CREM: variants seen among roughly 807,000 people sequenced by gnomAD.
CREM encodes cAMP responsive element modulator, also known as cAMP-responsive element modulator.
CREM carries 13 observed loss-of-function variants against 37.3 expected under a neutral mutation model. The observed-to-expected ratio is 0.35, with a 90% CI of 0.23 to 0.55. The LOEUF (loss-of-function observed/expected upper bound fraction) is 0.55. CREM is among the 20% of genes least tolerant of loss of function. The pLI is 0.88. For missense variants in CREM, 296 were observed against 362.3 expected, an observed-to-expected ratio of 0.82 and a Z score of 1.49; for synonymous variants, 124 against 120.2, an observed-to-expected ratio of 1.03 and a Z score of -0.21.
At chr10:35,198,252 C>T (rs567746015) in intron 6 of CREM, among the ~76,000 whole-genome samples, 7 of 152,138 alleles carry the variant, frequency 4.6e-5, no homozygotes, top group East Asian at 1.9e-4. Context: ...TGGCCGGGCG[C>T]GGTGGCTCAC....
At chr10:35,157,357 G>A (rs986127473) in intron 3 of CREM, among the ~76,000 whole-genome samples, 3 of 152,066 alleles carry the variant, frequency 2.0e-5, no homozygotes, top group African/African-American at 7.2e-5. Context: ...CAGGCCAGGT[G>A]TGGTGGCTCA....
intron 1 of CREM, among the ~76,000 whole-genome samples, chr10:35,136,705 G>A (rs2090574654): frequency 6.6e-6 from 1 of 151,930 alleles, no homozygotes; most frequent in Admixed American, 6.6e-5. Flanking sequence ...TCTAAGCACT[G>A]CTGTTGCTGG....
chr10:35,128,360 A>G (rs1474945142), intron 1 of CREM, among the ~76,000 whole-genome samples: 6 of 152,140 alleles, frequency 3.9e-5, no homozygotes, highest in Non-Finnish European at 7.3e-5. Flanking sequence ...CTTTCTACTT[A>G]ATTTGCCGGG....
chr10:35,154,019 A>G (rs1343853284), intron 3 of CREM: 3 of 398,272 alleles, frequency 7.5e-6, no homozygotes, highest in Non-Finnish European at 1.3e-5. Context: ...TGAATTTCTG[A>G]TGGCTTCATA....
chr10:35,211,882 GCTT>G lies in CREM; in HGVS notation c.*488_*490del. 1.5e-6 allele frequency: 2 copies of G among 1,314,328 alleles called. No homozygotes were observed. The highest frequency in any genetic ancestry group is 2.7e-4 in the Middle Eastern group (1 of 3,738). The allele number at this position is 1,314,328 out of a possible 1,614,324, so 81.4% of individuals were successfully genotyped here. A position where few individuals can be genotyped will look rare whatever the true frequency, so the allele number is the denominator to read the frequency against. The stretch of plus-strand genomic sequence containing the variant: ...CAATATATAGCTGGCAAGAATGGTG[GCTT>G]CTTTTCTTTGTATCATTCATCTTCT... On this transcript the variant is annotated 3_prime_UTR_variant, in exon 8 of 8. Transcript: ENST00000685392.
Position 35,212,016 on chromosome 10 carries a change from C to T in CREM, c.*618C>T, listed in dbSNP as rs1025541783. The T allele has an allele frequency of 6.8e-6, 3 of 439,790 alleles. No homozygotes were observed. Among genetic ancestry groups the T allele is most frequent in the Non-Finnish European group, 1.2e-5 (3 of 254,988 alleles). 27.2% of individuals were successfully genotyped at this position (439,790 alleles called of 1,614,324 possible). On this transcript the variant is annotated 3_prime_UTR_variant, in exon 8 of 8. Transcript: ENST00000685392. Reference sequence around the variant, plus strand: ...ACAAACTGTAAAAAATGTGTGTATTCTTAAAATGCAATATTTGTAAGGCTT... The same window carrying T: ...ACAAACTGTAAAAAATGTGTGTATTTTTAAAATGCAATATTTGTAAGGCTT...
intron 3 of CREM, among the ~76,000 whole-genome samples, chr10:35,170,889 A>G (rs550607105): frequency 4.5e-4 from 69 of 152,274 alleles, no homozygotes; most frequent in Admixed American, 8.5e-4. Flanking sequence ...GAGAATGTAG[A>G]ATGATAGTTC....
At chr10:35,184,619 G>A (rs965998356) in intron 5 of CREM, among the ~76,000 whole-genome samples, 1 of 152,022 alleles carries the variant, frequency 6.6e-6, no homozygotes, top group Non-Finnish European at 1.5e-5. Context: ...TGTGAGGGGT[G>A]TGTGTGTGTG....
intron 3 of CREM, among the ~76,000 whole-genome samples, chr10:35,161,070 C>T (rs2093264813): frequency 6.6e-6 from 1 of 152,088 alleles, no homozygotes; most frequent in Non-Finnish European, 1.5e-5. Context: ...ATGGTAAATA[C>T]ATAAACCAGT....
chr10:35,192,239 C>CT (rs2094948556), intron 6 of CREM, among the ~76,000 whole-genome samples: 1 of 152,224 alleles, frequency 6.6e-6, no homozygotes, highest in African/African-American at 2.4e-5. Context: ...GAAAGTTCAG[C>CT]TAAACTCTTC....
intron 2 of CREM, among the ~76,000 whole-genome samples, chr10:35,141,140 G>A (rs1486032159): frequency 6.6e-6 from 1 of 152,144 alleles, no homozygotes; most frequent in Non-Finnish European, 1.5e-5. Flanking sequence ...TTTTGAGACA[G>A]TCTCACTCTG....
At position 35,211,539 on chromosome 10, in the gene CREM, A is replaced by G. The variant is rs1433448940; in HGVS notation, c.*141A>G. ...ATTAGTGTTTGAAATTGAATTGGGA[A>G]TGTTGTTCCAGGATGTGGAATGCAG... On this transcript the variant is annotated 3_prime_UTR_variant, in exon 8 of 8. Coordinates refer to ENST00000685392, the MANE Select transcript of CREM (RefSeq NM_183011.2). The G allele has an allele frequency of 2.7e-6, 4 of 1,495,012 alleles. No homozygotes were observed. In the African/African-American group the frequency reaches 4.2e-5, roughly 16 times the overall value. The allele number at this position is 1,495,012 out of a possible 1,614,324, so 92.6% of individuals were successfully genotyped here. A position where few individuals can be genotyped will look rare whatever the true frequency, so the allele number is the denominator to read the frequency against.
chr10:35,203,070 C>A (rs2095424200), intron 6 of CREM, among the ~76,000 whole-genome samples: 1 of 148,414 alleles, frequency 6.7e-6, no homozygotes, highest in Admixed American at 6.7e-5. Flanking sequence ...TTTTTTTTTT[C>A]CTGAGACAGG....
chr10:35,173,189 A>G (rs908493459), intron 3 of CREM, among the ~76,000 whole-genome samples: 2 of 152,210 alleles, frequency 1.3e-5, no homozygotes, highest in Non-Finnish European at 2.9e-5. Context: ...AGATCAATGG[A>G]TTTTAATGTA....
intron 6 of CREM, among the ~76,000 whole-genome samples, chr10:35,194,265 G>A (rs2095054402): frequency 6.6e-6 from 1 of 151,828 alleles, no homozygotes; most frequent in Non-Finnish European, 1.5e-5. Context: ...TTCCTATAAT[G>A]ATCCAGCTCT....
chr10:35,133,351 A>G (rs954154560), intron 1 of CREM, among the ~76,000 whole-genome samples: 3 of 149,092 alleles, frequency 2.0e-5, no homozygotes, highest in Admixed American at 6.8e-5. Context: ...TGTGTCACCC[A>G]GGTTGGAGTG....
At chr10:35,139,456 G>T (rs981359815) in intron 2 of CREM, among the ~76,000 whole-genome samples, 6 of 152,128 alleles carry the variant, frequency 3.9e-5, no homozygotes, top group Admixed American at 6.6e-5. Flanking sequence ...TTTTAGAATT[G>T]TGGAACCAAA....
chr10:35,135,721 GAAAAAAAAAAA>G (rs9336981), intron 1 of CREM, among the ~76,000 whole-genome samples: 2 of 50,566 alleles, frequency 4.0e-5, no homozygotes, highest in East Asian at 1.1e-3. Flanking sequence ...CCTATTTCTG[GAAAAAAAAAAA>G]AAAAAAAAAA....
rs1351469428 is a variant in CREM at position 35,211,722 on chromosome 10, A to T, written c.*324A>T. On this transcript the variant is annotated 3_prime_UTR_variant, in exon 8 of 8. Transcript: ENST00000685392. The stretch of plus-strand genomic sequence containing the variant: ...TAAAATGTCTGGAGAGCCGAGTTGC[A>T]GTGCTGGAAGTCCAGAACAAGAAGC... The T allele has an allele frequency of 3.1e-6, 5 of 1,614,168 alleles. No individual in the cohort carries two copies. Among genetic ancestry groups the T allele is most frequent in the Non-Finnish European group, 3.4e-6 (4 of 1,180,024 alleles).
Sources: gnomAD v4.1 joint callset for allele counts (sites outside exome capture counted in the v4.1 genomes callset) on GRCh38, gnomAD v4.1.1 for gene constraint, MANE v1.5 for transcripts, NCBI Gene and HGNC (gene_info 2026-07-23, HGNC 2026-07-21) for gene names.